KLHDC4: variants seen among roughly 807,000 people sequenced by gnomAD.
The protein encoded by KLHDC4 is kelch domain containing 4.
A neutral mutation model predicts 62.4 loss-of-function variants in KLHDC4; 90 were observed. The ratio of observed to expected loss-of-function variants is 1.44; its 90% CI spans 1.22 to 1.72. The LOEUF (loss-of-function observed/expected upper bound fraction) is 1.72, where lower values mean the gene tolerates loss of function less well. Among genes scored for constraint, KLHDC4 ranks in the 40% most tolerant of loss-of-function variants. KLHDC4 has a pLI of 0.00. For synonymous variants in KLHDC4, 386 were observed against 284.4 expected (o/e 1.36, Z -3.59); for missense variants, 1,025 against 699.7 (o/e 1.47, Z -5.25).
chr16:87,757,868 G>A (rs978256634), intron 2 of KLHDC4, among the ~76,000 whole-genome samples: 1 of 152,006 alleles, frequency 6.6e-6, no homozygotes, highest in Admixed American at 6.6e-5. Flanking sequence ...CTCCATCCTG[G>A]GAGACAGAGC....
intron 4 of KLHDC4, among the ~76,000 whole-genome samples, chr16:87,753,272 G>T (rs1481934065): frequency 6.6e-6 from 1 of 152,220 alleles, no homozygotes; most frequent in Non-Finnish European, 1.5e-5. Flanking sequence ...GAAGACAAAA[G>T]CATCTTCTGA....
At chr16:87,700,956 C>T (rs878978106) in exon 1 of KLHDC4, 1 of 232,044 alleles carries the variant, frequency 4.3e-6, no homozygotes, top group South Asian at 4.2e-5. Context: ...GCCCAGGCCG[C>T]GTGTCAGGTG....
chr16:87,715,392 C>G (rs148469394), intron 7 of KLHDC4, among the ~76,000 whole-genome samples: 2 of 152,148 alleles, frequency 1.3e-5, no homozygotes, highest in Non-Finnish European at 2.9e-5. Context: ...GCCCTTGTGA[C>G]GGATCAGGAA....
At chr16:87,708,128 G>A (rs1299254419) in intron 11 of KLHDC4, 53 bp from the exon 12 acceptor site, 1 of 664,770 alleles carries the variant, frequency 1.5e-6, no homozygotes, top group Non-Finnish European at 2.8e-6. Flanking sequence ...CCGAGGGGGA[G>A]GCCCGTGCAG....
chr16:87,761,609 T>A (rs1449953463), intron 2 of KLHDC4, among the ~76,000 whole-genome samples: 1 of 152,258 alleles, frequency 6.6e-6, no homozygotes, highest in Non-Finnish European at 1.5e-5. Flanking sequence ...GATTTTCAGC[T>A]TTCTGCCTAC....
chr16:87,746,359 AAG>A (rs760603832), intron 5 of KLHDC4, among the ~76,000 whole-genome samples: 4 of 151,816 alleles, frequency 2.6e-5, no homozygotes, highest in Admixed American at 6.6e-5. Flanking sequence ...CAAAGAGAGA[AAG>A]AGAGAGAGAG....
intron 2 of KLHDC4, among the ~76,000 whole-genome samples, chr16:87,758,671 G>T (rs2045392190): frequency 6.6e-6 from 1 of 152,036 alleles, no homozygotes; most frequent in African/African-American, 2.4e-5. Context: ...AACAATAGCT[G>T]ATGAGCTTTA....
At chr16:87,751,439 A>T (rs1241669903) in intron 4 of KLHDC4, among the ~76,000 whole-genome samples, 1 of 151,378 alleles carries the variant, frequency 6.6e-6, no homozygotes, top group African/African-American at 2.4e-5. Context: ...GCACCACTGC[A>T]CTCCAGCCCG....
rs73246308 is a variant in KLHDC4, at chr16:87,742,216, C to T, written c.506+6457G>A. Reference sequence around the variant, plus strand: ...AGCACTGCACCAGGATGCCACACACCGCAGCCCAGCCCATGAAATCAACAG... The same window carrying T: ...AGCACTGCACCAGGATGCCACACACTGCAGCCCAGCCCATGAAATCAACAG... On this transcript the variant is annotated intron_variant, in intron 5 of 11. Coordinates refer to ENST00000270583, the MANE Select transcript of KLHDC4 (RefSeq NM_017566.4). Among the ~76,000 whole-genome samples the T allele has an allele frequency of 9.6e-3, 1,464 of 152,262 alleles. 24 individuals carry two copies. Among genetic ancestry groups the T allele is most frequent in the African/African-American group, 0.034 (1,395 of 41,542 alleles).
intron 5 of KLHDC4, among the ~76,000 whole-genome samples, chr16:87,734,737 T>C (rs1489882648): frequency 2.0e-5 from 3 of 152,182 alleles, no homozygotes; most frequent in African/African-American, 4.8e-5. Flanking sequence ...CTCAGCTCAC[T>C]AAGTTTCTTT....
chr16:87,752,730 G>A (rs926459788), intron 4 of KLHDC4, among the ~76,000 whole-genome samples: 3 of 152,132 alleles, frequency 2.0e-5, no homozygotes. Flanking sequence ...AGGCTGATCA[G>A]CAGTCTAAGA....
chr16:87,739,507 C>T (rs1045680565), intron 5 of KLHDC4, among the ~76,000 whole-genome samples: 25 of 147,798 alleles, frequency 1.7e-4, no homozygotes, highest in African/African-American at 6.3e-4. Context: ...CACACACCAG[C>T]ACCTCATCCA....
intron 5 of KLHDC4, among the ~76,000 whole-genome samples, chr16:87,732,088 T>A (rs1162757283): frequency 7.2e-6 from 1 of 139,262 alleles, no homozygotes; most frequent in Non-Finnish European, 1.5e-5. Context: ...TACATAAGTG[T>A]GCATATTTCT....
intron 4 of KLHDC4, among the ~76,000 whole-genome samples, chr16:87,751,238 G>C (rs2143158558): frequency 6.6e-6 from 1 of 152,340 alleles, no homozygotes; most frequent in Non-Finnish European, 1.5e-5. Flanking sequence ...TGCTTTGGGA[G>C]GCCGAGGGAG....
intron 5 of KLHDC4, among the ~76,000 whole-genome samples, chr16:87,741,908 G>A (rs74902177): frequency 5.9e-5 from 9 of 152,176 alleles, no homozygotes; most frequent in African/African-American, 9.7e-5. Context: ...GCAGGGCTGC[G>A]TCATGGTAGC....
chr16:87,751,676 T>G (rs960967002), intron 4 of KLHDC4, among the ~76,000 whole-genome samples: 1 of 151,696 alleles, frequency 6.6e-6, no homozygotes, highest in South Asian at 2.1e-4. Context: ...CCCAACACTG[T>G]GGGAGGCTCA....
intron 1 of KLHDC4, chr16:87,764,967 C>T (rs182154368): frequency 2.7e-6 from 1 of 367,444 alleles, no homozygotes; most frequent in Non-Finnish European, 5.4e-6. Context: ...TCAAGAGCTC[C>T]TGATTCAGGA....
intron 8 of KLHDC4, among the ~76,000 whole-genome samples, chr16:87,712,852 T>C (rs768599949): frequency 9.2e-5 from 14 of 152,324 alleles, no homozygotes; most frequent in African/African-American, 2.4e-4. Flanking sequence ...GGCCTAGGCA[T>C]TGGGTCTCCT....
In KLHDC4 at chr16:87,765,869, C is replaced by T. The variant is rs1232399836; in HGVS notation, c.22G>A (p.Glu8Lys). The T allele has an allele frequency of 1.3e-6, 2 of 1,550,704 alleles. No individual in the cohort carries two copies. The highest frequency in any genetic ancestry group is 1.4e-5 in the African/African-American group (1 of 73,084). MGKKGKK[E>K]KKGRGAEKTA... ...TTCTCCGCGCCGCGGCCCTTCTTCTCCTTCTTGCCCTTCTTGCCCATCTTG... is the reference window on the plus strand; with the variant it reads ...TTCTCCGCGCCGCGGCCCTTCTTCTTCTTCTTGCCCTTCTTGCCCATCTTG... Residue 8 changes from glutamate to lysine, a missense_variant, in exon 1 of 12, where the codon GAG becomes AAG. Transcript: ENST00000270583.
Sources: allele counts gnomAD v4.1 joint callset (sites outside exome capture counted in the v4.1 genomes callset), GRCh38; gene constraint gnomAD v4.1.1; transcripts MANE v1.5; gene names NCBI Gene and HGNC (gene_info 2026-07-23, HGNC 2026-07-21).